The following AFF2 variants were observed in gnomAD, a reference collection of about 807,000 sequenced individuals.
AFF2 encodes the protein AF4/FMR2 family member 2.
A neutral mutation model predicts 76.9 loss-of-function variants in AFF2; 14 were observed. The ratio of observed to expected loss-of-function variants is 0.18; its 90% confidence interval spans 0.12 to 0.28. The LOEUF is 0.28. AFF2 is among the 10% of genes least tolerant of loss of function. The pLI is 1.00. For synonymous variants in AFF2, 398 were observed against 366.7 expected (o/e 1.09, Z -0.98); for missense variants, 868 against 1,001.1 (o/e 0.87, Z 1.79).
intron 1 of AFF2, among the ~76,000 whole-genome samples, chrX:148,513,742 A>G (rs1201302026): frequency 1.8e-5 from 2 of 111,437 alleles, no homozygotes; most frequent in Non-Finnish European, 3.8e-5. Context: ...TGCAAAATTT[A>G]TGAGATTTGA....
intron 3 of AFF2, among the ~76,000 whole-genome samples, chrX:148,792,986 T>C (rs2069918362): frequency 8.9e-6 from 1 of 112,160 alleles, no homozygotes; most frequent in Non-Finnish European, 1.9e-5. Context: ...CAGAAATTAA[T>C]AAGTACTATT....
intron 1 of AFF2, among the ~76,000 whole-genome samples, chrX:148,539,044 G>A (rs368456318): frequency 9.9e-5 from 11 of 111,626 alleles, no homozygotes; most frequent in African/African-American, 3.3e-4. Context: ...TAAGCAGACA[G>A]GCTCTGCTAA....
chrX:148,834,719 C>T (rs2070499304), intron 4 of AFF2, among the ~76,000 whole-genome samples: 1 of 111,009 alleles, frequency 9.0e-6, no homozygotes, highest in African/African-American at 3.3e-5. Context: ...GGTGTCTTAT[C>T]TTAGGAATAG....
At chrX:148,976,979 G>T (rs2072333481) in intron 16 of AFF2, among the ~76,000 whole-genome samples, 1 of 112,357 alleles carries the variant, frequency 8.9e-6, no homozygotes, top group South Asian at 3.7e-4. Context: ...CTCAGGGGGT[G>T]AGCCTGGGCT....
chrX:148,559,892 A>G (rs2053091345), intron 1 of AFF2, among the ~76,000 whole-genome samples: 1 of 111,745 alleles, frequency 8.9e-6, no homozygotes, highest in Non-Finnish European at 1.9e-5. Flanking sequence ...CACTCCCACC[A>G]ACAGTGTAAA....
At chrX:148,792,910 G>A (rs1557270061) in intron 3 of AFF2, among the ~76,000 whole-genome samples, 1 of 112,087 alleles carries the variant, frequency 8.9e-6, no homozygotes, top group Non-Finnish European at 1.9e-5. Context: ...ACAACCTTAG[G>A]AAGGAGGCAT....
intron 3 of AFF2, among the ~76,000 whole-genome samples, chrX:148,768,513 C>T (rs2069547221): frequency 9.0e-6 from 1 of 110,907 alleles, no homozygotes. Context: ...TCTTTAAGGG[C>T]TTTCACACTG....
intron 1 of AFF2, among the ~76,000 whole-genome samples, chrX:148,648,561 C>CAAAA (rs1241628949): frequency 2.2e-3 from 51 of 22,950 alleles, no homozygotes; most frequent in African/African-American, 3.6e-3. Flanking sequence ...AAAACTCCGT[C>CAAAA]AAAAAAAAAA....
chrX:148,965,888 A>C (rs1382967245), intron 13 of AFF2, among the ~76,000 whole-genome samples: 1 of 111,807 alleles, frequency 8.9e-6, no homozygotes, highest in Non-Finnish European at 1.9e-5. Flanking sequence ...AGCAGAAGGA[A>C]GAGGAGGCAC....
At chrX:148,872,493 G>A (rs1296528126) in intron 7 of AFF2, among the ~76,000 whole-genome samples, 1 of 112,126 alleles carries the variant, frequency 8.9e-6, no homozygotes, top group Non-Finnish European at 1.9e-5. Context: ...TCATTTCATG[G>A]ATCTATCACA....
chrX:148,996,623 T>TAA lies in AFF2; in HGVS notation c.*5292_*5293dup, dbSNP rs1306888536. 8.9e-6 allele frequency: 1 copy of TAA among 112,240 alleles called. No homozygotes were observed. Among genetic ancestry groups the TAA allele is most frequent in the Non-Finnish European group, 1.9e-5 (1 of 53,258 alleles). The allele number at this position is 112,240 out of a possible 1,213,427, so 9.2% of individuals were successfully genotyped here. On this transcript the variant is annotated 3_prime_UTR_variant, in exon 21 of 21. Coordinates refer to ENST00000370460, the MANE Select transcript of AFF2 (RefSeq NM_002025.4). ...GATGACTAAAACAATTACATAGTTT[T>TAA]AAGATATGAATCAATGTGTGAATGT...
intron 7 of AFF2, among the ~76,000 whole-genome samples, chrX:148,851,758 C>A (rs2070733772): frequency 9.2e-6 from 1 of 108,987 alleles, no homozygotes; most frequent in South Asian, 3.9e-4. Context: ...TTTTTTTTAA[C>A]TTTTATTTTA....
intron 3 of AFF2, among the ~76,000 whole-genome samples, chrX:148,730,983 G>A (rs1557264621): frequency 9.0e-6 from 1 of 111,708 alleles, no homozygotes; most frequent in Non-Finnish European, 1.9e-5. Flanking sequence ...GACTTTAAAG[G>A]CCTCTGTCTC....
At chrX:148,889,144 A>G (rs1309300322) in intron 8 of AFF2, among the ~76,000 whole-genome samples, 1 of 111,892 alleles carries the variant, frequency 8.9e-6, no homozygotes, top group Non-Finnish European at 1.9e-5. Context: ...GGCTTAGAGC[A>G]TAAGCATCCC....
At chrX:148,770,291 A>T (rs1041441053) in intron 3 of AFF2, among the ~76,000 whole-genome samples, 1 of 111,822 alleles carries the variant, frequency 8.9e-6, no homozygotes, top group Non-Finnish European at 1.9e-5. Context: ...GAAGCAGAAG[A>T]TTATATTTGA....
chrX:148,702,707 T>C (rs184379501), intron 3 of AFF2, among the ~76,000 whole-genome samples: 42 of 112,041 alleles, frequency 3.7e-4, no homozygotes, highest in Non-Finnish European at 6.4e-4. Flanking sequence ...TACCTAACAC[T>C]GCAGTTCAAG....
chrX:148,843,304 T>G, intron 6 of AFF2, 78 bp from the exon 7 acceptor site: 1 of 913,799 alleles, frequency 1.1e-6, no homozygotes, highest in Non-Finnish European at 1.6e-6. Flanking sequence ...GACTGCATGT[T>G]TGGAGATCAA....
chrX:148,779,267 G>T (rs894403542), intron 3 of AFF2, among the ~76,000 whole-genome samples: 2 of 111,707 alleles, frequency 1.8e-5, no homozygotes, highest in African/African-American at 6.5e-5. Flanking sequence ...TTCTATTTAT[G>T]TGGTCGATTT....
chrX:148,552,258 C>A (rs1191439047), intron 1 of AFF2, among the ~76,000 whole-genome samples: 2 of 112,199 alleles, frequency 1.8e-5, no homozygotes, highest in Non-Finnish European at 3.8e-5. Context: ...CCTGACACAG[C>A]CACATGTCCT....
Sources: gnomAD v4.1 joint callset for allele counts (sites outside exome capture counted in the v4.1 genomes callset) on GRCh38, gnomAD v4.1.1 for gene constraint, MANE v1.5 for transcripts, NCBI Gene and HGNC (gene_info 2026-07-23, HGNC 2026-07-21) for gene names.